The following CHCHD3 variants were observed in gnomAD, a reference collection of about 807,000 sequenced individuals.
The protein encoded by CHCHD3 is MICOS complex subunit MIC19.
CHCHD3 carries 20 observed loss-of-function variants against 38.2 expected under a neutral mutation model. That is an observed-to-expected ratio of 0.52 (90% CI 0.37 to 0.76). CHCHD3 has a LOEUF of 0.76. Among genes scored for constraint, CHCHD3 ranks in the 30% least tolerant of loss-of-function variants. The pLI, the probability that CHCHD3 is intolerant of heterozygous loss-of-function variation, is 0.00. For synonymous variants in CHCHD3, 82 were observed against 100.0 expected (o/e 0.82, Z 1.07); for missense variants, 245 against 279.2 (o/e 0.88, Z 0.87).
chr7:132,934,473 C>T lies in CHCHD3; in HGVS notation c.369+40696G>A, dbSNP rs553527605. 7.2e-5 allele frequency among the ~76,000 whole-genome samples: 11 copies of T among 152,268 alleles called. No individual in the cohort carries two copies. In the South Asian group the frequency reaches 2.3e-3, roughly 32 times the overall value. Reference sequence around the variant, plus strand: ...AGTTCTCTATCATCTGACCCCACATCGCTGTTCTTCATATGCTTACCTGAT... The same window carrying T: ...AGTTCTCTATCATCTGACCCCACATTGCTGTTCTTCATATGCTTACCTGAT... On this transcript the variant is annotated intron_variant, in intron 4 of 7. Coordinates refer to ENST00000262570, the MANE Select transcript of CHCHD3 (RefSeq NM_017812.4).
chr7:132,933,280 C>T (rs1010887431), intron 4 of CHCHD3, among the ~76,000 whole-genome samples: 3 of 152,044 alleles, frequency 2.0e-5, no homozygotes, highest in Admixed American at 6.5e-5. Flanking sequence ...ACTCTGGTTA[C>T]TCTGCTCTGC....
chr7:132,818,688 AAC>A (rs1438736664), intron 6 of CHCHD3, among the ~76,000 whole-genome samples: 2 of 152,230 alleles, frequency 1.3e-5, no homozygotes, highest in Admixed American at 6.5e-5. Flanking sequence ...AAGCAAAAAA[AAC>A]AGTCCTTAAA....
intron 2 of CHCHD3, among the ~76,000 whole-genome samples, chr7:133,041,345 T>C (rs1446856861): frequency 1.3e-5 from 2 of 152,200 alleles, no homozygotes; most frequent in Admixed American, 1.3e-4. Context: ...ATTTATAGAT[T>C]GCACATCAAT....
At chr7:133,048,835 GC>G (rs981011671) in intron 2 of CHCHD3, among the ~76,000 whole-genome samples, 1 of 152,192 alleles carries the variant, frequency 6.6e-6, no homozygotes, top group African/African-American at 2.4e-5. Flanking sequence ...GTGTGTGAAA[GC>G]AAGAGGAAGC....
At chr7:133,049,915 A>T (rs1009640709) in intron 2 of CHCHD3, among the ~76,000 whole-genome samples, 2 of 152,196 alleles carry the variant, frequency 1.3e-5, no homozygotes, top group African/African-American at 4.8e-5. Context: ...CTGCTGCTAC[A>T]TGCCATTGCT....
chr7:133,046,194 T>A (rs1813977794), intron 2 of CHCHD3, among the ~76,000 whole-genome samples: 1 of 152,192 alleles, frequency 6.6e-6, no homozygotes, highest in Admixed American at 6.5e-5. Flanking sequence ...ACCGGTATAA[T>A]CTGATGAAGT....
chr7:133,049,928 T>A (rs2117498239), intron 2 of CHCHD3, among the ~76,000 whole-genome samples: 1 of 152,320 alleles, frequency 6.6e-6, no homozygotes, highest in African/African-American at 2.4e-5. Flanking sequence ...CCATTGCTTC[T>A]AAGGTACACA....
In CHCHD3 at chr7:133,082,071, A is replaced by C; in HGVS notation, c.-134T>G. Reference sequence around the variant, plus strand: ...GAGCAAGGCCACGACCCCCAGAAGCAAGGAGAAGGCGCCGGTCCTGAGCTC... The same window carrying C: ...GAGCAAGGCCACGACCCCCAGAAGCCAGGAGAAGGCGCCGGTCCTGAGCTC... On this transcript the variant is annotated 5_prime_UTR_variant, in exon 1 of 8. Coordinates refer to ENST00000262570, the MANE Select transcript of CHCHD3 (RefSeq NM_017812.4). The C allele has an allele frequency of 1.3e-6, 1 of 774,510 alleles. No homozygotes were observed. Among genetic ancestry groups the C allele is most frequent in the Non-Finnish European group, 2.0e-6 (1 of 501,548 alleles). The allele number at this position is 774,510 out of a possible 1,614,324, so 48.0% of individuals were successfully genotyped here.
At chr7:133,012,027 T>C (rs1199845316) in intron 3 of CHCHD3, among the ~76,000 whole-genome samples, 1 of 152,214 alleles carries the variant, frequency 6.6e-6, no homozygotes, top group Non-Finnish European at 1.5e-5. Flanking sequence ...TGATAAGGGT[T>C]ACAGAAAGTT....
At chr7:132,910,780 C>T (rs1205397535) in intron 4 of CHCHD3, among the ~76,000 whole-genome samples, 1 of 152,186 alleles carries the variant, frequency 6.6e-6, no homozygotes, top group African/African-American at 2.4e-5. Context: ...GACTCCCATG[C>T]TCATAGCAGA....
At chr7:132,862,064 T>G (rs1808505456) in intron 5 of CHCHD3, among the ~76,000 whole-genome samples, 1 of 145,708 alleles carries the variant, frequency 6.9e-6, no homozygotes. Context: ...TAATGTTTGC[T>G]GATGGATGGA....
chr7:132,932,419 T>C (rs746043043), intron 4 of CHCHD3, among the ~76,000 whole-genome samples: 3 of 152,210 alleles, frequency 2.0e-5, no homozygotes, highest in Admixed American at 1.3e-4. Flanking sequence ...CACATTTTAT[T>C]GTTCACTTGT....
chr7:132,907,065 T>C (rs1809819173), intron 4 of CHCHD3, among the ~76,000 whole-genome samples: 1 of 152,200 alleles, frequency 6.6e-6, no homozygotes, highest in African/African-American at 2.4e-5. Flanking sequence ...AGTTAAATGC[T>C]AAAATAATTT....
At chr7:132,931,806 G>A (rs536291298) in intron 4 of CHCHD3, among the ~76,000 whole-genome samples, 5 of 152,212 alleles carry the variant, frequency 3.3e-5, no homozygotes, top group Admixed American at 6.5e-5. Flanking sequence ...GAATGGGTTC[G>A]ATGCTGCCTC....
intron 2 of CHCHD3, among the ~76,000 whole-genome samples, chr7:133,062,210 A>G (rs926057557): frequency 6.6e-6 from 1 of 152,152 alleles, no homozygotes; most frequent in Admixed American, 6.5e-5. Context: ...TGCAATAGGA[A>G]AATGTACATT....
chr7:132,984,781 G>A (rs1464373184), intron 3 of CHCHD3, among the ~76,000 whole-genome samples: 2 of 145,890 alleles, frequency 1.4e-5, no homozygotes, highest in African/African-American at 5.1e-5. Flanking sequence ...GAGCCCCTCC[G>A]CCCGGCAGCC....
intron 1 of CHCHD3, among the ~76,000 whole-genome samples, chr7:133,076,711 C>T (rs1232781510): frequency 6.6e-6 from 1 of 152,192 alleles, no homozygotes; most frequent in Non-Finnish European, 1.5e-5. Flanking sequence ...AAAGAATTTT[C>T]TCAGAAACAG....
chr7:132,878,442 T>C (rs1311452851), intron 5 of CHCHD3, among the ~76,000 whole-genome samples: 1 of 152,184 alleles, frequency 6.6e-6, no homozygotes, highest in Admixed American at 6.5e-5. Context: ...CTGCCATAAG[T>C]GAGAGACTTT....
At chr7:133,072,708 G>A (rs1192638937) in intron 1 of CHCHD3, among the ~76,000 whole-genome samples, 4 of 151,880 alleles carry the variant, frequency 2.6e-5, no homozygotes, top group African/African-American at 9.7e-5. Flanking sequence ...GCGTGGTGGC[G>A]GGCGCCTGTA....
Sources: allele counts gnomAD v4.1 joint callset (sites outside exome capture counted in the v4.1 genomes callset), GRCh38; gene constraint gnomAD v4.1.1; transcripts MANE v1.5; gene names NCBI Gene and HGNC (gene_info 2026-07-23, HGNC 2026-07-21).